Variants in COL21A1 observed in about 807,000 individuals in gnomAD.
COL21A1 encodes collagen type XXI alpha 1 chain.
COL21A1 carries 149 observed loss-of-function variants against 137.9 expected under a neutral mutation model. The observed-to-expected ratio is 1.08, with a 90% CI of 0.95 to 1.24. The LOEUF is 1.24. Ranked by LOEUF, COL21A1 falls within the 50% of genes most tolerant of loss-of-function variation. The probability of loss-of-function intolerance (pLI) is 0.00; values close to 1 mark genes in which losing one functional copy is unlikely to be tolerated. For synonymous variants in COL21A1, 456 were observed against 391.5 expected (o/e 1.16, Z -1.95); for missense variants, 1,167 against 1,158.4 (o/e 1.01, Z -0.11).
intron 17 of COL21A1, among the ~76,000 whole-genome samples, chr6:56,085,562 A>G (rs1768161650): frequency 6.6e-6 from 1 of 152,070 alleles, no homozygotes; most frequent in Non-Finnish European, 1.5e-5. Flanking sequence ...TCTTGTACCA[A>G]TATCACTAAA....
intron 16 of COL21A1, among the ~76,000 whole-genome samples, chr6:56,109,776 G>C (rs545355590): frequency 3.9e-5 from 6 of 152,104 alleles, no homozygotes; most frequent in East Asian, 1.9e-4. Context: ...CAAGTTAAAT[G>C]ATATGGACAA....
At chr6:56,391,605 G>T (rs9382627) in intron 1 of COL21A1, among the ~76,000 whole-genome samples, 50,406 of 151,768 alleles carry the variant, frequency 0.33, 9,150 homozygotes, top group East Asian at 0.62. Context: ...AAAGGAGATA[G>T]TAAAACGAAT....
At chr6:56,104,149 T>G (rs1362436426) in intron 16 of COL21A1, among the ~76,000 whole-genome samples, 1 of 152,030 alleles carries the variant, frequency 6.6e-6, no homozygotes, top group African/African-American at 2.4e-5. Context: ...TTTATAGGAG[T>G]TTTTTTAATC....
chr6:56,261,997 G>C (rs1427078183), intron 1 of COL21A1, among the ~76,000 whole-genome samples: 1 of 152,174 alleles, frequency 6.6e-6, no homozygotes, highest in Non-Finnish European at 1.5e-5. Context: ...ATATGGAAAA[G>C]AAAATGGAAT....
intron 1 of COL21A1, among the ~76,000 whole-genome samples, chr6:56,284,537 T>C (rs1256445912): frequency 6.6e-6 from 1 of 152,080 alleles, no homozygotes; most frequent in Non-Finnish European, 1.5e-5. Context: ...TTCATCTCCA[T>C]CCCCAATGTC....
intron 12 of COL21A1, among the ~76,000 whole-genome samples, chr6:56,130,211 A>ATATATATAT (rs1561898497): frequency 1.8e-4 from 6 of 32,488 alleles, no homozygotes; most frequent in South Asian, 1.0e-3. Flanking sequence ...ATATATATAT[A>ATATATATAT]AAATTTCAAA....
upstream of COL21A1, among the ~76,000 whole-genome samples, chr6:56,250,210 G>GA (rs900426732): frequency 6.6e-6 from 1 of 152,142 alleles, no homozygotes; most frequent in Non-Finnish European, 1.5e-5. Context: ...AGGACAAGAA[G>GA]AAAAAACTAA....
intron 1 of COL21A1, among the ~76,000 whole-genome samples, chr6:56,339,132 C>A (rs887377407): frequency 6.6e-6 from 1 of 152,146 alleles, no homozygotes; most frequent in Non-Finnish European, 1.5e-5. Flanking sequence ...CCCCCAGGAA[C>A]CACAGTTATC....
chr6:56,347,930 T>A (rs967616355), intron 1 of COL21A1, among the ~76,000 whole-genome samples: 2 of 152,194 alleles, frequency 1.3e-5, no homozygotes, highest in African/African-American at 4.8e-5. Flanking sequence ...TTTAAAAACA[T>A]ATCAATTTAA....
intron 17 of COL21A1, among the ~76,000 whole-genome samples, chr6:56,083,736 C>T (rs1303262591): frequency 6.6e-6 from 1 of 151,686 alleles, no homozygotes; most frequent in Non-Finnish European, 1.5e-5. Context: ...AATAATAATA[C>T]CTAAAAAAGA....
chr6:56,091,615 C>T (rs192015289), intron 17 of COL21A1: 18 of 152,704 alleles, frequency 1.2e-4, no homozygotes, highest in Admixed American at 7.2e-4. Flanking sequence ...CATAAGGCTC[C>T]CTGTACACAA....
At chr6:56,125,544 T>C (rs1201622013) in intron 14 of COL21A1, 23 bp downstream of exon 14, 1 of 1,557,236 alleles carries the variant, frequency 6.4e-7, no homozygotes, top group Admixed American at 1.7e-5. Flanking sequence ...ATATGAATAC[T>C]TTGTTGTGTG....
intron 1 of COL21A1, among the ~76,000 whole-genome samples, chr6:56,296,569 G>A (rs146837504): frequency 5.4e-4 from 82 of 151,960 alleles, no homozygotes; most frequent in Non-Finnish European, 9.6e-4. Context: ...AGGCAATTTC[G>A]TAATTTGTTT....
chr6:56,358,339 TA>T (rs904337670), intron 1 of COL21A1, among the ~76,000 whole-genome samples: 76 of 148,086 alleles, frequency 5.1e-4, no homozygotes, highest in Middle Eastern at 3.5e-3. Context: ...TTTTAATATG[TA>T]AAAAAAAAAC....
chr6:56,198,905 C>A (rs1475330435), intron 1 of COL21A1, among the ~76,000 whole-genome samples: 2 of 152,036 alleles, frequency 1.3e-5, no homozygotes, highest in Non-Finnish European at 1.5e-5. Flanking sequence ...TCAAGAATGA[C>A]ATTACTAATT....
chr6:56,277,576 C>T (rs1441749550), intron 1 of COL21A1, among the ~76,000 whole-genome samples: 1 of 152,150 alleles, frequency 6.6e-6, no homozygotes, highest in Non-Finnish European at 1.5e-5. Context: ...ATAGTCATTC[C>T]TGTTAAGAGT....
chr6:56,105,282 T>G (rs1345549025), intron 16 of COL21A1, among the ~76,000 whole-genome samples: 1 of 152,196 alleles, frequency 6.6e-6, no homozygotes, highest in Non-Finnish European at 1.5e-5. Context: ...TAGATTTGTT[T>G]TTTAGGAAAA....
At position 56,318,224 on chromosome 6, in the gene COL21A1, T is replaced by C. The variant is rs542606930; in HGVS notation, c.-39+75747A>G. Reference sequence around the variant, plus strand: ...CAACCTCAAACCCCTTTCTTCTTCTTTATATTCTCTTAGTATGACTCCCAC... The same window carrying C: ...CAACCTCAAACCCCTTTCTTCTTCTCTATATTCTCTTAGTATGACTCCCAC... On this transcript the variant is annotated intron_variant, in intron 1 of 28. Transcript: ENST00000370819. Among the ~76,000 whole-genome samples, 32 of 152,286 alleles carry C rather than the reference T, an allele frequency of 2.1e-4. 1 individual carries two copies. In the South Asian group the frequency reaches 6.4e-3, roughly 31 times the overall value.
chr6:56,091,294 A>T (rs1272032203), intron 17 of COL21A1, among the ~76,000 whole-genome samples: 1 of 152,198 alleles, frequency 6.6e-6, no homozygotes, highest in East Asian at 1.9e-4. Flanking sequence ...AGCAGTAAAC[A>T]TTACATCATA....
Sources: gnomAD v4.1 joint callset for allele counts (sites outside exome capture counted in the v4.1 genomes callset) on GRCh38, gnomAD v4.1.1 for gene constraint, MANE v1.5 for transcripts, NCBI Gene and HGNC (gene_info 2026-07-23, HGNC 2026-07-21) for gene names.